ADAMTSL1: variants seen among roughly 807,000 people sequenced by gnomAD.
The protein encoded by ADAMTSL1 is ADAMTS-like protein 1.
Under a neutral mutation model 201.8 loss-of-function variants are expected in ADAMTSL1, and 126 were observed. The ratio of observed to expected loss-of-function variants is 0.62; its 90% CI spans 0.54 to 0.72. ADAMTSL1 has a LOEUF of 0.72. ADAMTSL1 is among the 30% of genes least tolerant of loss of function. ADAMTSL1 has a pLI of 0.00. For synonymous variants in ADAMTSL1, 1,121 were observed against 903.4 expected (o/e 1.24, Z -4.32); for missense variants, 2,679 against 2,277.8 (o/e 1.18, Z -3.59).
intron 2 of ADAMTSL1, among the ~76,000 whole-genome samples, chr9:18,524,074 G>T (rs1818879911): frequency 1.3e-5 from 2 of 150,824 alleles, no homozygotes; most frequent in East Asian, 3.9e-4. Context: ...CTACCCATGA[G>T]CATGGAATGT....
intron 2 of ADAMTSL1, among the ~76,000 whole-genome samples, chr9:18,461,386 A>T (rs1011087357): frequency 1.3e-5 from 2 of 152,086 alleles, no homozygotes; most frequent in African/African-American, 4.8e-5. Context: ...AATTGTATGT[A>T]TTTATGGTTT....
At position 18,256,289 on chromosome 9, in the gene ADAMTSL1, G is replaced by A. The variant is rs186923873; in HGVS notation, c.207+92308G>A. 3.2e-3 allele frequency among the ~76,000 whole-genome samples: 490 copies of A among 152,282 alleles called. 6 individuals are homozygous for A. Among genetic ancestry groups the A allele is most frequent in the Non-Finnish European group, 5.2e-3 (354 of 68,026 alleles). On this transcript the variant is annotated intron_variant, in intron 2 of 29. Coordinates refer to the ADAMTSL1 transcript ENST00000680146. ...GGCTGGGACGTTTGTCTAAGCATGA[G>A]AAGTTTGACAAAGATGGAAGACGCT...
At chr9:18,625,816 G>GCT (rs1027574785) in intron 5 of ADAMTSL1, among the ~76,000 whole-genome samples, 19 of 152,240 alleles carry the variant, frequency 1.2e-4, no homozygotes, top group Admixed American at 7.8e-4. Flanking sequence ...AGATCCTAAA[G>GCT]CTCTCTCTCT....
At chr9:18,401,631 GT>G (rs1817987934) in intron 2 of ADAMTSL1, among the ~76,000 whole-genome samples, 1 of 152,158 alleles carries the variant, frequency 6.6e-6, no homozygotes, top group African/African-American at 2.4e-5. Flanking sequence ...TTGGTTAATG[GT>G]TGCGAGAACA....
chr9:18,399,095 T>C (rs888688307), intron 2 of ADAMTSL1, among the ~76,000 whole-genome samples: 19 of 151,478 alleles, frequency 1.3e-4, no homozygotes, highest in African/African-American at 2.7e-4. Flanking sequence ...ATCCAGTACA[T>C]TTTTAGCTCT....
rs1832271578 is a variant in ADAMTSL1 at position 18,706,990 on chromosome 9, C to A, written c.1818C>A (p.Asp606Glu). The A allele has an allele frequency of 6.2e-7, 1 of 1,613,822 alleles. No homozygotes were observed. ...DGLFGGLQDF[D>E]ELYDWEYEGF... Reference sequence around the variant, plus strand: ...TCTTTGGTGGCCTGCAGGATTTCGACGAGCTGTATGACTGGGAGTATGAGG... The same window carrying A: ...TCTTTGGTGGCCTGCAGGATTTCGAAGAGCTGTATGACTGGGAGTATGAGG... The change falls in exon 14 of 29, where the codon GAC (aspartate) becomes GAA (glutamate). Residue 606 changes from aspartate (D) to glutamate (E), a missense_variant. Transcript: ENST00000380548.
At chr9:18,543,136 C>G (rs1273122557) in intron 3 of ADAMTSL1, among the ~76,000 whole-genome samples, 1 of 152,090 alleles carries the variant, frequency 6.6e-6, no homozygotes, top group Non-Finnish European at 1.5e-5. Flanking sequence ...GAATTATATC[C>G]CAGGGGACAA....
chr9:18,558,327 C>G (rs1038048062), intron 3 of ADAMTSL1, among the ~76,000 whole-genome samples: 3 of 152,002 alleles, frequency 2.0e-5, no homozygotes, highest in Non-Finnish European at 4.4e-5. Flanking sequence ...TGTGCCTGCA[C>G]AGGACATGAA....
At chr9:18,445,606 G>A (rs1259471204) in intron 2 of ADAMTSL1, among the ~76,000 whole-genome samples, 1 of 152,080 alleles carries the variant, frequency 6.6e-6, no homozygotes, top group African/African-American at 2.4e-5. Context: ...TAAACAAAGA[G>A]TTTACCAAAT....
At chr9:18,664,123 T>C (rs899296085) in intron 9 of ADAMTSL1, among the ~76,000 whole-genome samples, 1 of 151,996 alleles carries the variant, frequency 6.6e-6, no homozygotes, top group African/African-American at 2.4e-5. Flanking sequence ...TAGACAAAGC[T>C]GAGAAAATTA....
chr9:18,781,095 G>GTC (rs1821364585), intron 19 of ADAMTSL1, among the ~76,000 whole-genome samples: 1 of 152,168 alleles, frequency 6.6e-6, no homozygotes, highest in South Asian at 2.1e-4. Flanking sequence ...GGCATTGAGA[G>GTC]TCTAACTCCA....
At chr9:18,154,454 G>A (rs78736825) in intron 1 of ADAMTSL1, among the ~76,000 whole-genome samples, 2,062 of 152,112 alleles carry the variant, frequency 0.014, 70 homozygotes, top group African/African-American at 0.048. Context: ...TGGGACACTG[G>A]AACATCTGAG....
intron 2 of ADAMTSL1, among the ~76,000 whole-genome samples, chr9:18,384,924 G>T (rs978251944): frequency 6.6e-6 from 1 of 151,580 alleles, no homozygotes; most frequent in Non-Finnish European, 1.5e-5. Flanking sequence ...ATCTTGCAGA[G>T]AACTGCCTCT....
At chr9:18,262,794 G>A (rs1216681601) in intron 2 of ADAMTSL1, among the ~76,000 whole-genome samples, 3 of 152,192 alleles carry the variant, frequency 2.0e-5, no homozygotes, top group African/African-American at 4.8e-5. Context: ...TCTGCAAGTA[G>A]GAGAGCAAGA....
chr9:18,624,181 A>C (rs1826213466), intron 5 of ADAMTSL1, among the ~76,000 whole-genome samples: 1 of 152,196 alleles, frequency 6.6e-6, no homozygotes, highest in Non-Finnish European at 1.5e-5. Flanking sequence ...TAATTCTGCA[A>C]AAAAAATAAA....
At chr9:18,409,104 C>T (rs1329757095) in intron 2 of ADAMTSL1, among the ~76,000 whole-genome samples, 2 of 151,874 alleles carry the variant, frequency 1.3e-5, no homozygotes, top group African/African-American at 4.8e-5. Flanking sequence ...GACATCCAGG[C>T]CGGGCACAGT....
intron 4 of ADAMTSL1, among the ~76,000 whole-genome samples, chr9:18,616,836 T>G (rs937695291): frequency 2.6e-5 from 4 of 152,196 alleles, no homozygotes; most frequent in African/African-American, 7.2e-5. Context: ...TTTTATTATT[T>G]AATGAAAGGT....
intron 4 of ADAMTSL1, among the ~76,000 whole-genome samples, chr9:18,612,672 A>G (rs1330867224): frequency 3.9e-5 from 6 of 152,224 alleles, no homozygotes; most frequent in Non-Finnish European, 7.3e-5. Flanking sequence ...AGCCATATGC[A>G]GAAAATTGAA....
At chr9:18,536,043 AT>A (rs1243725058) in intron 3 of ADAMTSL1, among the ~76,000 whole-genome samples, 2 of 152,152 alleles carry the variant, frequency 1.3e-5, no homozygotes, top group South Asian at 2.1e-4. Flanking sequence ...TTGATGCTGA[AT>A]TTTTTTAATG....
Sources: allele counts gnomAD v4.1 joint callset (sites outside exome capture counted in the v4.1 genomes callset), GRCh38; gene constraint gnomAD v4.1.1; transcripts MANE v1.5; gene names NCBI Gene and HGNC (gene_info 2026-07-23, HGNC 2026-07-21).